RFK: variants seen among roughly 807,000 people sequenced by gnomAD.
The protein encoded by RFK is 0610038L10Rik.
In RFK, 4 loss-of-function variants were observed where a neutral mutation model predicts 17.6. That is an observed-to-expected ratio of 0.23 (90% CI 0.11 to 0.52). The LOEUF (loss-of-function observed/expected upper bound fraction) is 0.52. Ranked by LOEUF, RFK falls within the 20% of genes least tolerant of loss-of-function variation. The pLI, the probability that RFK is intolerant of heterozygous loss-of-function variation, is 0.96. For missense variants in RFK, 189 were observed against 187.7 expected (o/e 1.01, Z -0.04); for synonymous variants, 59 against 63.8 (o/e 0.92, Z 0.36).
In RFK at chr9:76,388,565, A is replaced by G. The variant is rs775179444; in HGVS notation, c.326T>C (p.Phe109Ser). The G allele has an allele frequency of 1.2e-6, 2 of 1,603,050 alleles. No homozygotes were observed. The highest frequency in any genetic ancestry group is 8.5e-7 in the Non-Finnish European group (1 of 1,170,818). Reference protein sequence around the residue: ...IVGYLRPEKNFDSLESLISAI... With the variant: ...IVGYLRPEKNSDSLESLISAI... ...AAATAAGAACTTACCTAAAGAATCA[A>G]AGTTCTTTTCTGGTCTCAGGTAGCC... The change falls in exon 3 of 4, where the codon TTT (phenylalanine) becomes TCT (serine). Residue 109 changes from phenylalanine (F) to serine (S), a missense_variant. Physicochemically the swap from Phe to Ser is radical, Grantham distance 155. Around this residue, in one of 3 missense-constraint regions of RFK, gnomAD observed 95 missense variants for 95.7 expected, o/e 0.99. Coordinates refer to ENST00000376736, the MANE Select transcript of RFK (RefSeq NM_018339.6).
intron 3 of RFK, 86 bp from the exon 4 acceptor site, chr9:76,387,615 T>A: frequency 7.5e-7 from 1 of 1,335,612 alleles, no homozygotes; most frequent in Non-Finnish European, 1.0e-6. Flanking sequence ...TCCTAAAAAC[T>A]CACAGGCTGG....
chr9:76,392,350 G>C, intron 2 of RFK, 68 bp downstream of exon 2: 1 of 1,509,334 alleles, frequency 6.6e-7, no homozygotes, highest in Non-Finnish European at 9.1e-7. Context: ...TTTCTGTAAC[G>C]AATACTGTAA....
rs755814374 is a variant in RFK at position 76,394,053 on chromosome 9, G to C, written c.82+37C>G. On this transcript the variant is annotated intron_variant, in intron 1 of 3. Coordinates refer to ENST00000376736, the MANE Select transcript of RFK (RefSeq NM_018339.6). Reference sequence around the variant, plus strand: ...TGCCGTCTCTCCCCGCTCCCCACGTGACCCGGCCCGGGGGACTCTGGCCGC... The same window carrying C: ...TGCCGTCTCTCCCCGCTCCCCACGTCACCCGGCCCGGGGGACTCTGGCCGC... 1.9e-6 allele frequency: 3 copies of C among 1,554,506 alleles called. No individual in the cohort carries two copies. The Admixed American group carries it at 5.7e-5, about 30-fold the overall frequency.
intron 3 of RFK, 124 bp downstream of exon 3, chr9:76,388,430 C>T (rs1390306903): frequency 1.9e-5 from 13 of 681,540 alleles, no homozygotes; most frequent in Admixed American, 7.0e-5. Context: ...GCACTTAAAA[C>T]GGTGCCTGGC....
rs1010899527 is a variant in RFK, at chr9:76,386,078, A to G, written c.*1321T>C. 2 of 152,132 alleles carry G rather than the reference A, an allele frequency of 1.3e-5. No individual in the cohort carries two copies. The highest frequency in any genetic ancestry group is 1.3e-4 in the Admixed American group (2 of 15,276). 9.4% of individuals were successfully genotyped at this position (152,132 alleles called of 1,614,324 possible). On this transcript the variant is annotated 3_prime_UTR_variant, in exon 4 of 4. Transcript: ENST00000376736. ...TAAATTAACTTTAAAATTACCTTCT[A>G]TCTGCTTCTACCTCTATCCCCCCAT...
rs549764709 is a variant in RFK at position 76,389,788 on chromosome 9, A to T, written c.235-1132T>A. Among the ~76,000 whole-genome samples, 5 of 152,304 alleles carry T rather than the reference A, an allele frequency of 3.3e-5. No individual in the cohort carries two copies. The South Asian group carries it at 1.0e-3, about 32-fold the overall frequency. On this transcript the variant is annotated intron_variant, in intron 2 of 3. Coordinates refer to ENST00000376736, the MANE Select transcript of RFK (RefSeq NM_018339.6). ...CCATCTCAAAAAAAAATTTAAAAAT[A>T]ATTTTAAAAAATATGTAAGACCCTG...
rs948196208 is a variant in RFK, at chr9:76,392,357, G to A, written c.234+61C>T. 7 of 1,544,998 alleles carry A rather than the reference G, an allele frequency of 4.5e-6. No homozygotes were observed. The African/African-American group carries it at 6.8e-5, about 15-fold the overall frequency. ...ATAAGCTATTTCTGTAACGAATACT[G>A]TAATATATTATTCTAAGTCATCATA... On this transcript the variant is annotated intron_variant, in intron 2 of 3. Transcript: ENST00000376736.
In RFK at chr9:76,394,147, G is replaced by A. The variant is rs1282126647; in HGVS notation, c.25C>T (p.Arg9Trp). Reference protein sequence around the residue: MRHLPYFCRGQVVRGFGRG... With the variant: MRHLPYFCWGQVVRGFGRG... Reference sequence around the variant, plus strand: ...CCGAAGCCCCGCACCACTTGACCCCGGCAGAAGTAAGGCAGGTGCCTCATA... The same window carrying A: ...CCGAAGCCCCGCACCACTTGACCCCAGCAGAAGTAAGGCAGGTGCCTCATA... Residue 9 changes from arginine (R) to tryptophan (W), a missense_variant, in exon 1 of 4, where the codon CGG becomes TGG. Transcript: ENST00000376736. The A allele has an allele frequency of 1.9e-6, 3 of 1,609,084 alleles. No homozygotes were observed. Among genetic ancestry groups the A allele is most frequent in the Admixed American group, 1.7e-5 (1 of 59,614 alleles).
rs1822865407 is a variant in RFK at position 76,394,401 on chromosome 9, G to C, written c.-230C>G. The C allele has an allele frequency of 2.1e-6, 1 of 470,882 alleles. No individual in the cohort carries two copies. Among genetic ancestry groups the C allele is most frequent in the Admixed American group, 4.3e-5 (1 of 23,064 alleles). The allele number at this position is 470,882 out of a possible 1,614,324, so 29.2% of individuals were successfully genotyped here. ...CCTGAGGAGCTGCGTCTCCGCTGGA[G>C]GGCAGCGGAGACAGCCGAAGTAAGT... On this transcript the variant is annotated 5_prime_UTR_variant, in exon 1 of 4. Transcript: ENST00000376736.
chr9:76,386,392 TTAAA>T lies in RFK; in HGVS notation c.*1003_*1006del, dbSNP rs1822732583. On this transcript the variant is annotated 3_prime_UTR_variant, in exon 4 of 4. Transcript: ENST00000376736. ...AACTATTTCATAGTTTAATTGGCTC[TTAAA>T]TAGTTTTGCTAGGGAGGAAACATTT... 6.6e-6 allele frequency: 1 copy of T among 152,174 alleles called. No individual in the cohort carries two copies. The highest frequency in any genetic ancestry group is 1.9e-4 in the East Asian group (1 of 5,194). 9.4% of individuals were successfully genotyped at this position (152,174 alleles called of 1,614,324 possible).
chr9:76,394,005 C>T, intron 1 of RFK, 85 bp downstream of exon 1: 3 of 1,333,018 alleles, frequency 2.3e-6, no homozygotes, highest in Non-Finnish European at 2.1e-6. Flanking sequence ...GGAGGCCCCA[C>T]GCCCCGGTCC....
At chr9:76,387,651 C>T (rs560601194) in intron 3 of RFK, 122 bp from the exon 4 acceptor site, 4 of 854,582 alleles carry the variant, frequency 4.7e-6, no homozygotes, top group South Asian at 3.5e-5. Flanking sequence ...GGGTAGATAC[C>T]CAATAAATGT....
At chr9:76,393,797 T>C (rs965112710) in intron 1 of RFK, 6 of 474,726 alleles carry the variant, frequency 1.3e-5, no homozygotes, top group Non-Finnish European at 1.5e-5. Flanking sequence ...TGACCAACTG[T>C]ACCTTGGCTG....
chr9:76,389,692 C>T (rs1271703913), intron 2 of RFK, among the ~76,000 whole-genome samples: 5 of 151,964 alleles, frequency 3.3e-5, no homozygotes, highest in African/African-American at 9.7e-5. Flanking sequence ...ACCCAGGAGG[C>T]GGAGGTTGCA....
At chr9:76,393,913 G>A in intron 1 of RFK, 177 bp downstream of exon 1, 2 of 601,820 alleles carry the variant, frequency 3.3e-6, no homozygotes, top group Non-Finnish European at 5.6e-6. Flanking sequence ...GCAGGGACAA[G>A]CTCCCTCAAC....
At chr9:76,393,926 A>G (rs1417045637) in intron 1 of RFK, 164 bp downstream of exon 1, 16 of 655,046 alleles carry the variant, frequency 2.4e-5, no homozygotes, top group Non-Finnish European at 1.7e-5. Context: ...CCCTCAACCG[A>G]GCCAACGGTC....
intron 2 of RFK, among the ~76,000 whole-genome samples, chr9:76,389,342 C>A (rs1006567269): frequency 6.6e-6 from 1 of 152,088 alleles, no homozygotes; most frequent in African/African-American, 2.4e-5. Context: ...TCAGTTTTCT[C>A]GTCTGTAATG....
At chr9:76,388,448 A>C in intron 3 of RFK, 106 bp downstream of exon 3, 1 of 742,290 alleles carries the variant, frequency 1.3e-6, no homozygotes, top group South Asian at 1.6e-5. Context: ...GGCATATATT[A>C]AATGCTCAAA....
intron 1 of RFK, among the ~76,000 whole-genome samples, chr9:76,392,860 T>C (rs1475428006): frequency 6.6e-6 from 1 of 152,206 alleles, no homozygotes; most frequent in Non-Finnish European, 1.5e-5. Flanking sequence ...ATGATCGCAC[T>C]ACCACTGCAC....
Sources: gnomAD v4.1 joint callset for allele counts (sites outside exome capture counted in the v4.1 genomes callset) on GRCh38, gnomAD v4.1.1 for gene constraint, gnomAD v4.1.1 regional missense constraint, MANE v1.5 for transcripts, NCBI Gene and HGNC (gene_info 2026-07-23, HGNC 2026-07-21) for gene names.